ATP10B: variants seen among roughly 807,000 people sequenced by gnomAD.
ATP10B encodes phospholipid-transporting ATPase VB.
Under a neutral mutation model 141.2 loss-of-function variants are expected in ATP10B, and 122 were observed. The ratio of observed to expected loss-of-function variants is 0.86; its 90% confidence interval spans 0.75 to 1.00. The LOEUF is 1.00. Among genes scored for constraint, ATP10B ranks in the 50% least tolerant of loss-of-function variants. The pLI is 0.00. For missense variants in ATP10B, 1,876 were observed against 1,825.3 expected (o/e 1.03, Z -0.51); for synonymous variants, 685 against 692.0 (o/e 0.99, Z 0.16).
chr5:160,765,291 T>A (rs921410793), intron 2 of ATP10B, among the ~76,000 whole-genome samples: 1 of 151,808 alleles, frequency 6.6e-6, no homozygotes, highest in Admixed American at 6.6e-5. Flanking sequence ...AAAGAACAAA[T>A]CTGGAGACAT....
At chr5:160,865,509 C>T in the ATP10B span, among the ~76,000 whole-genome samples, 3 of 152,168 alleles carry the variant, frequency 2.0e-5, no homozygotes, top group Non-Finnish European at 2.9e-5. Flanking sequence ...TAGACATTGG[C>T]TTAGACAAAG....
At chr5:160,652,901 TTATATATAC>T (rs1412145702) in intron 7 of ATP10B, among the ~76,000 whole-genome samples, 1 of 70,270 alleles carries the variant, frequency 1.4e-5, no homozygotes, top group Non-Finnish European at 2.5e-5. Context: ...ATATAATATA[TTATATATAC>T]ATGTATATAT....
At chr5:160,904,213 G>T in the ATP10B span, among the ~76,000 whole-genome samples, 1 of 152,080 alleles carries the variant, frequency 6.6e-6, no homozygotes, top group Non-Finnish European at 1.5e-5. Context: ...GCAGAACATT[G>T]TTAGTCTAGT....
At chr5:160,768,400 G>C (rs908189708) in intron 2 of ATP10B, among the ~76,000 whole-genome samples, 3 of 152,116 alleles carry the variant, frequency 2.0e-5, no homozygotes, top group Admixed American at 6.5e-5. Context: ...AATCCATGCT[G>C]TTAACTACTT....
At chr5:160,866,066 T>C in the ATP10B span, among the ~76,000 whole-genome samples, 224 of 152,230 alleles carry the variant, frequency 1.5e-3, 1 homozygote, top group African/African-American at 5.2e-3. Flanking sequence ...CTACTGGGTA[T>C]CTACCCAGAG....
At chr5:160,697,081 T>G (rs554229857) in intron 3 of ATP10B, among the ~76,000 whole-genome samples, 1 of 152,258 alleles carries the variant, frequency 6.6e-6, no homozygotes, top group Non-Finnish European at 1.5e-5. Context: ...TTCCACATTT[T>G]AATAAATTTT....
At chr5:160,728,156 G>A (rs888520554) in intron 2 of ATP10B, among the ~76,000 whole-genome samples, 4 of 151,734 alleles carry the variant, frequency 2.6e-5, no homozygotes, top group Admixed American at 6.6e-5. Flanking sequence ...GATTTACTGG[G>A]CACTAACTAA....
At chr5:160,629,216 A>G (rs1156917039) in intron 13 of ATP10B, among the ~76,000 whole-genome samples, 10 of 140,058 alleles carry the variant, frequency 7.1e-5, no homozygotes, top group South Asian at 2.4e-4. Context: ...GTCTGTCAGG[A>G]GTGGGTGGGG....
upstream of ATP10B, among the ~76,000 whole-genome samples, chr5:160,853,937 G>A (rs1753930828): frequency 6.6e-6 from 1 of 152,034 alleles, no homozygotes; most frequent in Admixed American, 6.6e-5. Flanking sequence ...CTACACTAAG[G>A]CAATTTAGCA....
chr5:160,631,531 T>C (rs934354579), intron 13 of ATP10B, among the ~76,000 whole-genome samples: 7 of 152,270 alleles, frequency 4.6e-5, no homozygotes, highest in African/African-American at 7.2e-5. Context: ...TTGACATAGA[T>C]ATTATTTACT....
intron 13 of ATP10B, among the ~76,000 whole-genome samples, chr5:160,627,534 T>A (rs1758673264): frequency 6.6e-6 from 1 of 152,214 alleles, no homozygotes; most frequent in Non-Finnish European, 1.5e-5. Flanking sequence ...GTGTCTCAAC[T>A]GGTACAACGT....
chr5:160,686,374 C>A, intron 5 of ATP10B, 101 bp from the exon 6 acceptor site: 1 of 802,906 alleles, frequency 1.2e-6, no homozygotes, highest in Middle Eastern at 2.6e-4. Context: ...ATTAAACCTT[C>A]TCTTTCAGTA....
At chr5:160,884,380 T>C in the ATP10B span, among the ~76,000 whole-genome samples, 1 of 152,202 alleles carries the variant, frequency 6.6e-6, no homozygotes, top group Non-Finnish European at 1.5e-5. Flanking sequence ...CTGACATGTA[T>C]AAAGATGTAT....
chr5:160,641,669 G>A (rs564340914), intron 9 of ATP10B, among the ~76,000 whole-genome samples: 1 of 152,310 alleles, frequency 6.6e-6, no homozygotes, highest in East Asian at 1.9e-4. Flanking sequence ...CTGAGACTTT[G>A]TCTTTAGACA....
In ATP10B at chr5:160,630,475, G is replaced by A. The variant is rs6892689; in HGVS notation, c.1620+1654C>T. 1.4e-4 allele frequency among the ~76,000 whole-genome samples: 21 copies of A among 152,234 alleles called. No homozygotes were observed. The East Asian group carries it at 4.1e-3, about 29-fold the overall frequency. On this transcript the variant is annotated intron_variant, in intron 13 of 25. Transcript: ENST00000327245. ...CAAAGGAAAGCTTCCTTTTTCTCCC[G>A]CTCATTTTCTGGGGGAGACATACTC...
intron 1 of ATP10B, among the ~76,000 whole-genome samples, chr5:160,798,744 ATTTTTTTTTT>A (rs35866347): frequency 4.9e-5 from 5 of 102,502 alleles, no homozygotes; most frequent in East Asian, 2.8e-4. Context: ...CTTTTTCTCT[ATTTTTTTTTT>A]TTTTTTTTTT....
intron 7 of ATP10B, among the ~76,000 whole-genome samples, chr5:160,663,830 A>G (rs991440459): frequency 3.3e-5 from 5 of 152,194 alleles, no homozygotes; most frequent in Non-Finnish European, 7.3e-5. Flanking sequence ...AAACAAACCA[A>G]AGAACTATGC....
At chr5:160,725,699 C>T (rs112690414) in intron 2 of ATP10B, among the ~76,000 whole-genome samples, 13 of 152,254 alleles carry the variant, frequency 8.5e-5, no homozygotes, top group African/African-American at 3.1e-4. Flanking sequence ...CCCGCCTTGG[C>T]CTCCCAAAGT....
At chr5:160,611,302 A>G (rs1757707501) in intron 18 of ATP10B, among the ~76,000 whole-genome samples, 1 of 152,162 alleles carries the variant, frequency 6.6e-6, no homozygotes, top group African/African-American at 2.4e-5. Flanking sequence ...AACACATGGA[A>G]GCCCACTCGA....
Sources: allele counts gnomAD v4.1 joint callset (sites outside exome capture counted in the v4.1 genomes callset), GRCh38; gene constraint gnomAD v4.1.1; transcripts MANE v1.5; gene names NCBI Gene and HGNC (gene_info 2026-07-23, HGNC 2026-07-21).